TLK1: variants seen among roughly 807,000 people sequenced by gnomAD.
The protein encoded by TLK1 is tousled like kinase 1, also known as serine/threonine-protein kinase tousled-like 1.
Under a neutral mutation model 105.3 loss-of-function variants are expected in TLK1, and 24 were observed. The ratio of observed to expected loss-of-function variants is 0.23; its 90% CI spans 0.17 to 0.32. The LOEUF (loss-of-function observed/expected upper bound fraction) is 0.32, where lower values mean the gene tolerates loss of function less well. TLK1 is among the 10% of genes least tolerant of loss of function. The pLI is 1.00. For missense variants in TLK1, 558 were observed against 910.5 expected, an observed-to-expected ratio of 0.61 and a Z score of 4.98; for synonymous variants, 321 against 310.4, an observed-to-expected ratio of 1.03 and a Z score of -0.36.
intron 1 of TLK1, among the ~76,000 whole-genome samples, chr2:171,142,125 G>A (rs912402110): frequency 6.7e-6 from 1 of 148,986 alleles, no homozygotes; most frequent in Admixed American, 6.7e-5. Flanking sequence ...TAATCTCTAG[G>A]ATAAATATTA....
chr2:171,146,462 T>C (rs1691796289), intron 1 of TLK1, among the ~76,000 whole-genome samples: 1 of 152,202 alleles, frequency 6.6e-6, no homozygotes. Flanking sequence ...CAACTGGTAT[T>C]GAATTCAATA....
intron 2 of TLK1, among the ~76,000 whole-genome samples, chr2:171,092,906 G>C (rs901161197): frequency 2.0e-5 from 3 of 151,950 alleles, no homozygotes; most frequent in Non-Finnish European, 4.4e-5. Flanking sequence ...AAAATAAACA[G>C]ACACTGGCCT....
chr2:171,078,226 C>T (rs1299836927), intron 3 of TLK1, among the ~76,000 whole-genome samples: 2 of 152,158 alleles, frequency 1.3e-5, no homozygotes, highest in Middle Eastern at 3.2e-3. Context: ...TCAAACCCTA[C>T]TGATTCTACT....
intron 1 of TLK1, among the ~76,000 whole-genome samples, chr2:171,167,716 A>C (rs1320069839): frequency 6.6e-6 from 1 of 152,218 alleles, no homozygotes; most frequent in East Asian, 1.9e-4. Context: ...GAATTACTAG[A>C]TTCTCAAACA....
chr2:171,141,589 T>C (rs948784208), intron 1 of TLK1, among the ~76,000 whole-genome samples: 1 of 151,750 alleles, frequency 6.6e-6, no homozygotes, highest in African/African-American at 2.4e-5. Flanking sequence ...TAGATTACAG[T>C]CAAAGGAGCA....
chr2:171,064,880 T>C (rs1390432881), intron 3 of TLK1, among the ~76,000 whole-genome samples: 1 of 152,316 alleles, frequency 6.6e-6, no homozygotes, highest in Non-Finnish European at 1.5e-5. Flanking sequence ...AGTTGAAAGT[T>C]TGTTGAAAAA....
intron 2 of TLK1, among the ~76,000 whole-genome samples, chr2:171,100,837 A>G (rs771819919): frequency 6.6e-6 from 1 of 152,156 alleles, no homozygotes; most frequent in African/African-American, 2.4e-5. Flanking sequence ...ACCTAAAAGA[A>G]CTAAAACATA....
chr2:171,157,193 T>C (rs1200398673), intron 1 of TLK1, among the ~76,000 whole-genome samples: 1 of 152,182 alleles, frequency 6.6e-6, no homozygotes, highest in East Asian at 1.9e-4. Flanking sequence ...GGAAAGAAAA[T>C]GCAAGTGTTC....
intron 2 of TLK1, among the ~76,000 whole-genome samples, chr2:171,108,134 A>G (rs1690012876): frequency 2.0e-5 from 3 of 152,078 alleles, no homozygotes; most frequent in South Asian, 4.1e-4. Context: ...GAGACACAGT[A>G]AAGATGTACA....
intron 20 of TLK1, among the ~76,000 whole-genome samples, chr2:170,994,538 C>T (rs889741157): frequency 7.7e-6 from 1 of 129,452 alleles, no homozygotes; most frequent in Admixed American, 7.7e-5. Flanking sequence ...TAGCCTCTTA[C>T]AAAAAAAAAA....
chr2:171,132,986 C>T (rs1392447001), intron 1 of TLK1, among the ~76,000 whole-genome samples: 1 of 152,130 alleles, frequency 6.6e-6, no homozygotes, highest in East Asian at 1.9e-4. Flanking sequence ...AAGATTAACA[C>T]AACACTAAAT....
intron 1 of TLK1, among the ~76,000 whole-genome samples, chr2:171,221,049 A>G (rs1382385760): frequency 1.3e-5 from 2 of 152,150 alleles, no homozygotes; most frequent in African/African-American, 2.4e-5. Context: ...AAATTTCCAC[A>G]GAGAAAAATT....
chr2:171,109,218 T>C (rs1206428242), intron 2 of TLK1, among the ~76,000 whole-genome samples: 1 of 152,234 alleles, frequency 6.6e-6, no homozygotes, highest in African/African-American at 2.4e-5. Context: ...GTTTCTAAAA[T>C]AAGGCACATT....
chr2:171,226,161 G>A (rs1693893476), intron 1 of TLK1, among the ~76,000 whole-genome samples: 1 of 152,054 alleles, frequency 6.6e-6, no homozygotes, highest in African/African-American at 2.4e-5. Flanking sequence ...TGAGAAATAA[G>A]GCTTTATTGT....
At chr2:171,164,862 T>G (rs1386274917), upstream of TLK1, among the ~76,000 whole-genome samples, 2 of 151,848 alleles carry the variant, frequency 1.3e-5, no homozygotes, top group Non-Finnish European at 2.9e-5. Context: ...GCCTCACGCC[T>G]GTAATCCCAG....
At chr2:171,080,649 C>T (rs537373775) in intron 3 of TLK1, among the ~76,000 whole-genome samples, 92 of 151,096 alleles carry the variant, frequency 6.1e-4, no homozygotes, top group South Asian at 1.0e-3. Flanking sequence ...CTAGACTTAA[C>T]CATTAATTTG....
intron 1 of TLK1, among the ~76,000 whole-genome samples, chr2:171,205,406 T>A (rs1330497470): frequency 6.6e-6 from 1 of 152,124 alleles, no homozygotes; most frequent in Non-Finnish European, 1.5e-5. Flanking sequence ...TACTGCAGCC[T>A]TGACTACCCA....
At chr2:171,132,928 G>C (rs377144051) in intron 1 of TLK1, among the ~76,000 whole-genome samples, 1 of 152,108 alleles carries the variant, frequency 6.6e-6, no homozygotes, top group Non-Finnish European at 1.5e-5. Flanking sequence ...TCTCAGCAAC[G>C]ATTTCTTTAT....
At chr2:171,127,258 C>A (rs1324413170) in intron 1 of TLK1, among the ~76,000 whole-genome samples, 18 of 137,016 alleles carry the variant, frequency 1.3e-4, no homozygotes, top group Admixed American at 6.2e-4. Context: ...GCCTGGCCAA[C>A]AGAGTGAGAC....
Sources: gnomAD v4.1 joint callset for allele counts (sites outside exome capture counted in the v4.1 genomes callset) on GRCh38, gnomAD v4.1.1 for gene constraint, MANE v1.5 for transcripts, NCBI Gene and HGNC (gene_info 2026-07-23, HGNC 2026-07-21) for gene names.